The following CFAP54 variants were observed in gnomAD, a reference collection of about 807,000 sequenced individuals.
The protein encoded by CFAP54 is cilia and flagella associated protein 54, also known as cilia- and flagella-associated protein 54.
Under a neutral mutation model 370.4 loss-of-function variants are expected in CFAP54, and 290 were observed. The observed-to-expected ratio is 0.78, with a 90% CI of 0.71 to 0.86. The LOEUF (loss-of-function observed/expected upper bound fraction) is 0.86, where lower values mean the gene tolerates loss of function less well. Among genes scored for constraint, CFAP54 ranks in the 40% least tolerant of loss-of-function variants. The pLI, the probability that CFAP54 is intolerant of heterozygous loss-of-function variation, is 0.00. For synonymous variants in CFAP54, 1,206 were observed against 1,236.5 expected (o/e 0.98, Z 0.52); for missense variants, 3,399 against 3,528.7 (o/e 0.96, Z 0.93).
intron 39 of CFAP54, among the ~76,000 whole-genome samples, chr12:96,676,421 GT>G (rs1298189982): frequency 1.3e-5 from 2 of 151,882 alleles, no homozygotes; most frequent in Non-Finnish European, 2.9e-5. Flanking sequence ...AATATTTGTG[GT>G]CCCCCCCACC....
chr12:96,548,190 T>C (rs1417173923), intron 15 of CFAP54, among the ~76,000 whole-genome samples: 1 of 152,058 alleles, frequency 6.6e-6, no homozygotes, highest in Non-Finnish European at 1.5e-5. Flanking sequence ...ATTTACCATT[T>C]CCTCATATGC....
At chr12:96,539,662 G>A (rs993273217) in intron 13 of CFAP54, among the ~76,000 whole-genome samples, 4 of 151,822 alleles carry the variant, frequency 2.6e-5, no homozygotes, top group Admixed American at 2.0e-4. Flanking sequence ...ACAACAGAGT[G>A]AAACTCTGTC....
chr12:96,783,899 G>A (rs10860096), intron 60 of CFAP54, among the ~76,000 whole-genome samples: 49,401 of 150,952 alleles, frequency 0.33, 8,382 homozygotes, highest in South Asian at 0.54. Context: ...AAGAAAAAAA[G>A]AAAAGAAAAG....
chr12:96,589,950 C>T (rs934752144), intron 23 of CFAP54, among the ~76,000 whole-genome samples: 7 of 151,980 alleles, frequency 4.6e-5, no homozygotes, highest in African/African-American at 1.7e-4. Context: ...TTTTGCCATG[C>T]TGGCCAGACT....
At chr12:96,679,805 C>G (rs1273539524) in intron 40 of CFAP54, 53 bp downstream of exon 40, 14 of 1,554,454 alleles carry the variant, frequency 9.0e-6, no homozygotes, top group Non-Finnish European at 1.1e-5. Flanking sequence ...GGTGACCACC[C>G]TGCAGATGTC....
chr12:96,799,800 A>T (rs1175938821), intron 63 of CFAP54, among the ~76,000 whole-genome samples: 2 of 152,200 alleles, frequency 1.3e-5, no homozygotes, highest in African/African-American at 4.8e-5. Context: ...ATGATTAAAA[A>T]TAGTAATGGG....
intron 25 of CFAP54, among the ~76,000 whole-genome samples, chr12:96,595,550 T>C (rs943946349): frequency 2.6e-5 from 4 of 152,114 alleles, no homozygotes; most frequent in African/African-American, 9.7e-5. Flanking sequence ...AGTCCAAACA[T>C]TTTTAGTACA....
chr12:96,512,531 C>T (rs1565880215), intron 4 of CFAP54, among the ~76,000 whole-genome samples: 6 of 151,490 alleles, frequency 4.0e-5, no homozygotes, highest in South Asian at 2.1e-4. Flanking sequence ...TTAGTAGAAA[C>T]GGGGTTTTAC....
chr12:96,561,607 G>T (rs1237046740), intron 17 of CFAP54, among the ~76,000 whole-genome samples: 1 of 151,250 alleles, frequency 6.6e-6, no homozygotes, highest in Non-Finnish European at 1.5e-5. Flanking sequence ...GGTACCTTTT[G>T]CTAGGAAATG....
chr12:96,525,627 A>G (rs928706021), intron 8 of CFAP54, among the ~76,000 whole-genome samples: 2 of 152,232 alleles, frequency 1.3e-5, no homozygotes, highest in African/African-American at 4.8e-5. Flanking sequence ...TTTAACCTAA[A>G]TAAAAATCTT....
intron 1 of CFAP54, among the ~76,000 whole-genome samples, chr12:96,495,214 A>C (rs1342009847): frequency 6.6e-6 from 1 of 151,972 alleles, no homozygotes; most frequent in Non-Finnish European, 1.5e-5. Context: ...TTCTGCTTAT[A>C]TAGTTATGAT....
rs1225915940 is a variant in CFAP54 at position 96,576,772 on chromosome 12, C to T, written c.2796+11C>T. Reference sequence around the variant, plus strand: ...ACTTCAGAGGTTAAGGTATGGTGTCCAGTAAAATTTTTGCCTCATGCAAAG... The same window carrying T: ...ACTTCAGAGGTTAAGGTATGGTGTCTAGTAAAATTTTTGCCTCATGCAAAG... On this transcript the variant is annotated intron_variant, in intron 20 of 67. Transcript: ENST00000524981. The T allele has an allele frequency of 5.9e-6, 9 of 1,516,546 alleles. No homozygotes were observed. The Admixed American group carries it at 1.9e-4, about 33-fold the overall frequency. 93.9% of individuals were successfully genotyped at this position (1,516,546 alleles called of 1,614,324 possible).
At chr12:96,787,289 A>G (rs944135691) in intron 62 of CFAP54, among the ~76,000 whole-genome samples, 1 of 152,058 alleles carries the variant, frequency 6.6e-6, no homozygotes. Context: ...AATGTGTGAT[A>G]AAAATTATTC....
Position 96,535,635 on chromosome 12 carries a change from TG to T in CFAP54, c.1791+37del, listed in dbSNP as rs747614860. 9.2e-6 allele frequency: 13 copies of T among 1,417,824 alleles called. No individual in the cohort carries two copies. In the South Asian group the frequency reaches 1.7e-4, roughly 18 times the overall value. The allele number at this position is 1,417,824 out of a possible 1,614,324, so 87.8% of individuals were successfully genotyped here. A position where few individuals can be genotyped will look rare whatever the true frequency, so the allele number is the denominator to read the frequency against. On this transcript the variant is annotated intron_variant, in intron 12 of 67. Coordinates refer to ENST00000524981, the MANE Select transcript of CFAP54 (RefSeq NM_001306084.2). The stretch of plus-strand genomic sequence containing the variant: ...CTATTTTAAATAATTTTTATTAGTG[TG>T]GAAGGAGGTTTTTGTGCCTAACTTA...
At chr12:96,644,064 C>A in intron 32 of CFAP54, 114 bp from the exon 33 acceptor site, 1 of 701,660 alleles carries the variant, frequency 1.4e-6, no homozygotes, top group Non-Finnish European at 2.3e-6. Flanking sequence ...GAAACATTAG[C>A]ATAAGGGCAG....
At position 96,576,709 on chromosome 12, in the gene CFAP54, G is replaced by T. The variant is rs763606810; in HGVS notation, c.2744G>T (p.Arg915Leu). 1 of 1,535,786 alleles carries T rather than the reference G, an allele frequency of 6.5e-7. No individual in the cohort carries two copies. Among genetic ancestry groups the T allele is most frequent in the Non-Finnish European group, 8.7e-7 (1 of 1,146,674 alleles). ...CCCCCTCCACCTATCCTGCTGTCTCGAACTCATTGTTCTGTGACACTCAAA... is the reference window on the plus strand; with the variant it reads ...CCCCCTCCACCTATCCTGCTGTCTCTAACTCATTGTTCTGTGACACTCAAA... ...RVPPPPILLSRTHCSVTLKPA... is the reference protein window; with the variant it reads ...RVPPPPILLSLTHCSVTLKPA... The change falls in exon 20 of 68, where the codon CGA becomes CTA. Residue 915 changes from arginine (R) to leucine (L), a missense_variant. Physicochemically the swap from Arg to Leu is moderately radical, Grantham distance 102 (BLOSUM62 -2). Coordinates refer to ENST00000524981, the MANE Select transcript of CFAP54 (RefSeq NM_001306084.2).
intron 26 of CFAP54, among the ~76,000 whole-genome samples, chr12:96,609,648 T>C (rs1489368287): frequency 1.3e-5 from 2 of 152,170 alleles, no homozygotes; most frequent in Non-Finnish European, 2.9e-5. Context: ...TCTGTAATTG[T>C]ACTGGTCTCA....
In CFAP54 at chr12:96,875,101, C is replaced by CT. The variant is rs1289576556; in HGVS notation, c.*15-11dup. The stretch of plus-strand genomic sequence containing the variant: ...ATTATATGAAATTCAAGGTATTACT[C>CT]TTTTTTCCTCCTCTAGGGATGATAA... On this transcript the variant is annotated splice_polypyrimidine_tract_variant and intron_variant, in intron 67 of 67. Transcript: ENST00000524981. The CT allele has an allele frequency of 3.3e-5, 5 of 152,044 alleles. No homozygotes were observed. In the East Asian group the frequency reaches 9.7e-4, roughly 29 times the overall value. 9.4% of individuals were successfully genotyped at this position (152,044 alleles called of 1,614,324 possible). A position where few individuals can be genotyped will look rare whatever the true frequency, so the allele number is the denominator to read the frequency against.
intron 19 of CFAP54, among the ~76,000 whole-genome samples, chr12:96,573,593 G>A (rs1955947034): frequency 6.6e-6 from 1 of 152,120 alleles, no homozygotes; most frequent in Non-Finnish European, 1.5e-5. Context: ...GGCCTTTTAT[G>A]ACATTGCTCC....
Sources: gnomAD v4.1 joint callset for allele counts (sites outside exome capture counted in the v4.1 genomes callset) on GRCh38, gnomAD v4.1.1 for gene constraint, MANE v1.5 for transcripts, NCBI Gene and HGNC (gene_info 2026-07-23, HGNC 2026-07-21) for gene names.